COL24A1: variants seen among roughly 807,000 people sequenced by gnomAD.
COL24A1 encodes collagen alpha-1(XXIV) chain.
In COL24A1, 224 loss-of-function variants were observed where a neutral mutation model predicts 253.9. The observed-to-expected ratio is 0.88, with a 90% CI of 0.79 to 0.99. COL24A1 has a LOEUF of 0.99. Ranked by LOEUF, COL24A1 falls within the 50% of genes least tolerant of loss-of-function variation. COL24A1 has a pLI of 0.00. For missense variants in COL24A1, 2,131 were observed against 2,068.5 expected (o/e 1.03, Z -0.59); for synonymous variants, 685 against 673.7 (o/e 1.02, Z -0.26).
At chr1:86,068,654 T>C (rs1040194910) in intron 7 of COL24A1, among the ~76,000 whole-genome samples, 1 of 151,792 alleles carries the variant, frequency 6.6e-6, no homozygotes, top group African/African-American at 2.4e-5. Context: ...GCTAATGGAG[T>C]GTGAGCACCA....
At position 85,819,437 on chromosome 1, in the gene COL24A1, G is replaced by A. The variant is rs1673376852; in HGVS notation, c.3790-1350C>T. On this transcript the variant is annotated intron_variant, in intron 45 of 59. Coordinates refer to ENST00000370571, the MANE Select transcript of COL24A1 (RefSeq NM_152890.7). ...TCTTTTTATGCAACGAGATATATCT[G>A]TTCTATACTTTTGATTTTTCAAAAT... Among the ~76,000 whole-genome samples, 4 of 151,972 alleles carry A rather than the reference G, an allele frequency of 2.6e-5. No homozygotes were observed. In the South Asian group the frequency reaches 8.3e-4, roughly 32 times the overall value.
chr1:85,773,485 A>T (rs1419657719), intron 53 of COL24A1, among the ~76,000 whole-genome samples: 1 of 152,132 alleles, frequency 6.6e-6, no homozygotes, highest in Non-Finnish European at 1.5e-5. Context: ...GACGATATTG[A>T]TTCTTCCTAT....
At chr1:85,792,523 TAAAA>T (rs34566729) in intron 47 of COL24A1, among the ~76,000 whole-genome samples, 1 of 128,094 alleles carries the variant, frequency 7.8e-6, no homozygotes, top group Non-Finnish European at 1.6e-5. Context: ...ACCCCATCTC[TAAAA>T]AAAAAAAAAA....
chr1:85,742,983 C>T (rs1664817222), intron 57 of COL24A1, among the ~76,000 whole-genome samples: 1 of 152,122 alleles, frequency 6.6e-6, no homozygotes, highest in Non-Finnish European at 1.5e-5. Flanking sequence ...GTCCAACCAA[C>T]CATCATCTCT....
intron 1 of COL24A1, 103 bp downstream of exon 1, chr1:86,156,238 G>A: frequency 2.7e-6 from 3 of 1,125,640 alleles, no homozygotes; most frequent in Non-Finnish European, 3.8e-6. Flanking sequence ...GCCAAAAAGT[G>A]CCAAGGAGCC....
intron 57 of COL24A1, among the ~76,000 whole-genome samples, chr1:85,739,829 T>G (rs939205857): frequency 6.6e-6 from 1 of 152,184 alleles, no homozygotes; most frequent in Admixed American, 6.5e-5. Flanking sequence ...TACCTTACTT[T>G]AACCATTAAC....
intron 43 of COL24A1, among the ~76,000 whole-genome samples, chr1:85,830,874 A>T (rs188763579): frequency 6.6e-6 from 1 of 152,004 alleles, no homozygotes; most frequent in Non-Finnish European, 1.5e-5. Context: ...TGCAGAAATC[A>T]CCTGTCTTCT....
intron 5 of COL24A1, among the ~76,000 whole-genome samples, chr1:86,094,169 G>A (rs1053401710): frequency 1.3e-5 from 2 of 151,956 alleles, no homozygotes; most frequent in East Asian, 1.9e-4. Context: ...AAATCATTCT[G>A]TTATAAAGAC....
intron 5 of COL24A1, among the ~76,000 whole-genome samples, chr1:86,101,304 C>G (rs1408908544): frequency 6.6e-6 from 1 of 152,132 alleles, no homozygotes; most frequent in African/African-American, 2.4e-5. Context: ...ATGGGGTTTT[C>G]TAGGTATAGA....
chr1:85,818,687 G>A (rs906912872), intron 45 of COL24A1, among the ~76,000 whole-genome samples: 18 of 152,208 alleles, frequency 1.2e-4, no homozygotes, highest in South Asian at 2.1e-4. Flanking sequence ...GGGTCTGCCA[G>A]GATAGTTAGG....
chr1:85,959,153 G>A (rs1365247323), intron 24 of COL24A1, among the ~76,000 whole-genome samples: 2 of 152,016 alleles, frequency 1.3e-5, no homozygotes, highest in African/African-American at 4.8e-5. Flanking sequence ...ACAGAACTCT[G>A]GATTAGATGA....
intron 10 of COL24A1, among the ~76,000 whole-genome samples, chr1:86,051,040 C>G (rs190141968): frequency 6.6e-6 from 1 of 152,138 alleles, no homozygotes; most frequent in East Asian, 1.9e-4. Flanking sequence ...TGATGTTATG[C>G]TGTATTTCTA....
intron 19 of COL24A1, among the ~76,000 whole-genome samples, chr1:86,009,467 T>A (rs1158081953): frequency 6.6e-6 from 1 of 152,202 alleles, no homozygotes; most frequent in Non-Finnish European, 1.5e-5. Flanking sequence ...TGGTATAGCC[T>A]ATTGCTTCTA....
At chr1:85,800,492 T>C (rs1356835979) in intron 47 of COL24A1, among the ~76,000 whole-genome samples, 1 of 152,212 alleles carries the variant, frequency 6.6e-6, no homozygotes, top group African/African-American at 2.4e-5. Flanking sequence ...CAGAAACTAA[T>C]ACTGGATAAT....
chr1:85,790,046 A>G (rs1054465146), intron 47 of COL24A1, among the ~76,000 whole-genome samples: 6 of 152,196 alleles, frequency 3.9e-5, no homozygotes, highest in South Asian at 2.1e-4. Context: ...TTTTGGTATC[A>G]GGATGATGCT....
intron 19 of COL24A1, among the ~76,000 whole-genome samples, chr1:86,007,575 C>T (rs934289670): frequency 3.9e-5 from 6 of 152,176 alleles, no homozygotes; most frequent in East Asian, 3.9e-4. Flanking sequence ...GTCCTTTAGT[C>T]GGTGAATGGA....
chr1:86,008,399 C>T (rs1282445168), intron 19 of COL24A1, among the ~76,000 whole-genome samples: 1 of 152,104 alleles, frequency 6.6e-6, no homozygotes, highest in Non-Finnish European at 1.5e-5. Context: ...TGCACACCAC[C>T]ATGCCAGGCT....
chr1:85,834,956 T>A (rs1393784176), intron 43 of COL24A1, among the ~76,000 whole-genome samples: 4 of 152,200 alleles, frequency 2.6e-5, no homozygotes, highest in Non-Finnish European at 5.9e-5. Context: ...ATTCACTATG[T>A]TTATTTTTAT....
intron 53 of COL24A1, among the ~76,000 whole-genome samples, chr1:85,770,436 T>A (rs1015241760): frequency 6.6e-6 from 1 of 152,090 alleles, no homozygotes; most frequent in African/African-American, 2.4e-5. Context: ...TTATTCCATG[T>A]CTGTCCTCTG....
Sources: gnomAD v4.1 joint callset for allele counts (sites outside exome capture counted in the v4.1 genomes callset) on GRCh38, gnomAD v4.1.1 for gene constraint, MANE v1.5 for transcripts, NCBI Gene and HGNC (gene_info 2026-07-23, HGNC 2026-07-21) for gene names.